Variants in ARHGEF18 observed in about 807,000 individuals in gnomAD.
The protein encoded by ARHGEF18 is rho guanine nucleotide exchange factor 18.
A neutral mutation model predicts 155.7 loss-of-function variants in ARHGEF18; 93 were observed. The ratio of observed to expected loss-of-function variants is 0.60; its 90% CI spans 0.50 to 0.71. The LOEUF (loss-of-function observed/expected upper bound fraction) is 0.71, where lower values mean the gene tolerates loss of function less well. Among genes scored for constraint, ARHGEF18 ranks in the 30% least tolerant of loss-of-function variants. The pLI, the probability that ARHGEF18 is intolerant of heterozygous loss-of-function variation, is 0.00. For missense variants in ARHGEF18, 1,593 were observed against 1,816.1 expected, an observed-to-expected ratio of 0.88 and a Z score of 2.23; for synonymous variants, 742 against 753.1, an observed-to-expected ratio of 0.99 and a Z score of 0.24.
downstream of ARHGEF18, among the ~76,000 whole-genome samples, chr19:7,475,197 A>C (rs924832907): frequency 6.6e-6 from 1 of 152,088 alleles, no homozygotes; most frequent in East Asian, 1.9e-4. Context: ...GCGCCACCGC[A>C]CTCCAGCCTA....
At chr19:7,369,766 C>T (rs988290893) in intron 2 of ARHGEF18, among the ~76,000 whole-genome samples, 2 of 152,032 alleles carry the variant, frequency 1.3e-5, no homozygotes, top group Non-Finnish European at 2.9e-5. Flanking sequence ...CATTGCATTC[C>T]AGCCTGGGCG....
At chr19:7,392,574 G>C (rs1010181825) in intron 10 of ARHGEF18, 1 of 151,338 alleles carries the variant, frequency 6.6e-6, no homozygotes, top group African/African-American at 2.4e-5. Context: ...AAATTAGCCA[G>C]GCTTGGTGGT....
At position 7,459,977 on chromosome 19, in the gene ARHGEF18, G is replaced by T. The variant is rs771115408; in HGVS notation, c.2435G>T (p.Arg812Ile). 1.3e-6 allele frequency: 2 copies of T among 1,581,002 alleles called. No individual in the cohort carries two copies. Among genetic ancestry groups the T allele is most frequent in the Admixed American group, 1.8e-5 (1 of 55,526 alleles). ...AAGGTGGTCGAGGCCCGCGCCACGA[G>T]ACTCCGGGACTTTCAAGGTGAGCGG... ...ERKVVEARATRLRDFQERLSM... is the reference protein window; with the variant it reads ...ERKVVEARATILRDFQERLSM... The change falls in exon 20 of 29, where the codon AGA becomes ATA. Residue 812 changes from arginine to isoleucine, a missense_variant. Physicochemically the swap from Arg to Ile is moderately conservative, Grantham distance 97. Coordinates refer to ENST00000668164, the MANE Select transcript of ARHGEF18 (RefSeq NM_001367823.1).
chr19:7,430,841 C>T lies in ARHGEF18; in HGVS notation c.968-9503C>T, dbSNP rs550010476. Among the ~76,000 whole-genome samples the T allele has an allele frequency of 9.9e-5, 15 of 152,074 alleles. No individual in the cohort carries two copies. The East Asian group carries it at 2.7e-3, about 27-fold the overall frequency. Reference sequence around the variant, plus strand: ...GTAAATAAAATAGAACAATAATGCCCACATCCATAGACAATAAATAAATAT... The same window carrying T: ...GTAAATAAAATAGAACAATAATGCCTACATCCATAGACAATAAATAAATAT... On this transcript the variant is annotated intron_variant, in intron 10 of 28. Coordinates refer to ENST00000668164, the MANE Select transcript of ARHGEF18 (RefSeq NM_001367823.1).
At chr19:7,370,900 C>CTTTTTTTTT (rs111574229) in intron 2 of ARHGEF18, among the ~76,000 whole-genome samples, 1 of 145,586 alleles carries the variant, frequency 6.9e-6, no homozygotes, top group African/African-American at 2.6e-5. Flanking sequence ...CCACACCCCG[C>CTTTTTTTTT]TTTTTTTTTT....
chr19:7,396,580 T>A (rs1345790865), intron 10 of ARHGEF18, among the ~76,000 whole-genome samples: 1 of 151,960 alleles, frequency 6.6e-6, no homozygotes, highest in African/African-American at 2.4e-5. Context: ...CCGGGCATGG[T>A]AGCGGGCGCC....
intron 2 of ARHGEF18, among the ~76,000 whole-genome samples, chr19:7,370,911 T>C (rs1236833275): frequency 6.7e-6 from 1 of 150,044 alleles, no homozygotes; most frequent in Non-Finnish European, 1.5e-5. Flanking sequence ...TTTTTTTTTT[T>C]CTTTCTTTCT....
At chr19:7,373,896 G>A (rs564690114) in intron 3 of ARHGEF18, among the ~76,000 whole-genome samples, 1 of 139,966 alleles carries the variant, frequency 7.1e-6, no homozygotes, top group African/African-American at 2.9e-5. Context: ...TGTTGCCCAG[G>A]CTACAGGCTC....
At chr19:7,439,460 ATAAT>A (rs533525007) in intron 10 of ARHGEF18, among the ~76,000 whole-genome samples, 27 of 152,216 alleles carry the variant, frequency 1.8e-4, no homozygotes, top group South Asian at 1.2e-3. Context: ...AAAAATAATA[ATAAT>A]TAATTTAAAA....
chr19:7,435,147 C>T (rs1220124086), intron 10 of ARHGEF18, among the ~76,000 whole-genome samples: 1 of 151,740 alleles, frequency 6.6e-6, no homozygotes, highest in Non-Finnish European at 1.5e-5. Flanking sequence ...TGCAGTGAGC[C>T]GAGATCACCC....
At chr19:7,364,837 A>C (rs895450463) in intron 2 of ARHGEF18, among the ~76,000 whole-genome samples, 1 of 152,164 alleles carries the variant, frequency 6.6e-6, no homozygotes, top group African/African-American at 2.4e-5. Flanking sequence ...ACCAGGGACC[A>C]AGACAGTCAG....
At chr19:7,361,990 TGGAAGA>T (rs1969569539) in intron 1 of ARHGEF18, among the ~76,000 whole-genome samples, 4 of 110,998 alleles carry the variant, frequency 3.6e-5, no homozygotes, top group African/African-American at 1.9e-4. Context: ...CAAGACTCTG[TGGAAGA>T]AGAAGAAGAA....
At chr19:7,413,258 C>A (rs2145632133) in intron 10 of ARHGEF18, among the ~76,000 whole-genome samples, 1 of 151,794 alleles carries the variant, frequency 6.6e-6, no homozygotes, top group African/African-American at 2.4e-5. Flanking sequence ...ACGGCAAGAC[C>A]CTGTCTCTAC....
chr19:7,382,139 G>A (rs762615081), intron 8 of ARHGEF18, among the ~76,000 whole-genome samples: 14 of 152,224 alleles, frequency 9.2e-5, no homozygotes, highest in South Asian at 2.1e-4. Context: ...AGGGCCGGGC[G>A]TGGTGGCTCA....
Position 7,462,979 on chromosome 19 carries a change from A to G in ARHGEF18, c.2635+645A>G, listed in dbSNP as rs1007795617. 2.0e-5 allele frequency among the ~76,000 whole-genome samples: 3 copies of G among 150,656 alleles called. No homozygotes were observed. The highest frequency in any genetic ancestry group is 7.3e-5 in the African/African-American group (3 of 40,914). ...CTCCTGGGTAGCTGGGATTACAGGCACCCACCACCACGCCCAGCTAATTTT... is the reference window on the plus strand; with the variant it reads ...CTCCTGGGTAGCTGGGATTACAGGCGCCCACCACCACGCCCAGCTAATTTT... On this transcript the variant is annotated intron_variant, in intron 21 of 28. Transcript: ENST00000668164. The surrounding 1 kb of genome is among the most constrained non-coding windows in gnomAD (Gnocchi z 4.4).
At position 7,462,442 on chromosome 19, in the gene ARHGEF18, A is replaced by C; in HGVS notation, c.2635+108A>C. 7.8e-7 allele frequency: 1 copy of C among 1,278,064 alleles called. No individual in the cohort carries two copies. The highest frequency in any genetic ancestry group is 1.0e-6 in the Non-Finnish European group (1 of 979,622). The allele number at this position is 1,278,064 out of a possible 1,614,324, so 79.2% of individuals were successfully genotyped here. A position where few individuals can be genotyped will look rare whatever the true frequency, so the allele number is the denominator to read the frequency against. On this transcript the variant is annotated intron_variant, in intron 21 of 28. Transcript: ENST00000668164. This position sits in a 1 kb window ranked among gnomAD's most constrained non-coding sequence, Gnocchi z 4.4. ...TTGTGGCCGACACGGCACCCTGTCCAGGACAGGCTTCTATGTGGGGGGGGC... is the reference window on the plus strand; with the variant it reads ...TTGTGGCCGACACGGCACCCTGTCCCGGACAGGCTTCTATGTGGGGGGGGC...
At chr19:7,457,771 C>T (rs1975938339) in intron 18 of ARHGEF18, among the ~76,000 whole-genome samples, 1 of 151,998 alleles carries the variant, frequency 6.6e-6, no homozygotes, top group African/African-American at 2.4e-5. Context: ...CCCACTCTAG[C>T]CAGTTAAAAT....
chr19:7,457,353 CTTTTTTTTT>C (rs1159186670), intron 18 of ARHGEF18, among the ~76,000 whole-genome samples: 14 of 60,234 alleles, frequency 2.3e-4, no homozygotes, highest in African/African-American at 1.1e-3. Context: ...AATCACCTCT[CTTTTTTTTT>C]TTTTTTTTTT....
At chr19:7,401,474 G>A (rs925041197) in intron 10 of ARHGEF18, among the ~76,000 whole-genome samples, 3 of 151,960 alleles carry the variant, frequency 2.0e-5, no homozygotes, top group Non-Finnish European at 4.4e-5. Flanking sequence ...TTTTTGGAGA[G>A]ACAGGGGTCT....
Sources: allele counts gnomAD v4.1 joint callset (sites outside exome capture counted in the v4.1 genomes callset), GRCh38; gene constraint gnomAD v4.1.1; non-coding constraint Gnocchi (gnomAD v3.1); transcripts MANE v1.5; gene names NCBI Gene and HGNC (gene_info 2026-07-23, HGNC 2026-07-21).